ACAT2: variants seen among roughly 807,000 people sequenced by gnomAD.
ACAT2 encodes the protein acetyl-CoA acetyltransferase 2.
ACAT2 carries 26 observed loss-of-function variants against 37.1 expected under a neutral mutation model. That is an observed-to-expected ratio of 0.70 (90% CI 0.51 to 0.97). The LOEUF (loss-of-function observed/expected upper bound fraction) is 0.97. Ranked by LOEUF, ACAT2 falls within the 50% of genes least tolerant of loss-of-function variation. The pLI is 0.00. For missense variants in ACAT2, 468 were observed against 489.0 expected (o/e 0.96, Z 0.40); for synonymous variants, 156 against 163.6 (o/e 0.95, Z 0.35).
Position 159,778,424 on chromosome 6 carries a change from T to TAAA in ACAT2, c.1023+167_1023+169dup, listed in dbSNP as rs1162214335. 4.5e-3 allele frequency: 414 copies of TAAA among 91,314 alleles called. 5 individuals carry two copies. Among genetic ancestry groups the TAAA allele is most frequent in the African/African-American group, 0.031 (381 of 12,258 alleles). The allele number at this position is 91,314 out of a possible 1,614,324, so 5.7% of individuals were successfully genotyped here. On this transcript the variant is annotated intron_variant, in intron 8 of 8. Coordinates refer to ENST00000367048, the MANE Select transcript of ACAT2 (RefSeq NM_005891.3). ...ACTGAGTTCATTACTTCCCAAGGTT[T>TAAA]AAAAAAAAAAAAAAAAAAAAAAAAA...
At chr6:159,773,044 G>A (rs1780362836) in intron 4 of ACAT2, among the ~76,000 whole-genome samples, 1 of 151,904 alleles carries the variant, frequency 6.6e-6, no homozygotes, top group South Asian at 2.1e-4. Flanking sequence ...TGTAGAAATG[G>A]GGTTTCACCA....
At chr6:159,766,400 C>CA (rs1002138460) in intron 2 of ACAT2, among the ~76,000 whole-genome samples, 1 of 151,616 alleles carries the variant, frequency 6.6e-6, no homozygotes, top group Non-Finnish European at 1.5e-5. Flanking sequence ...TAAGCACCCC[C>CA]CCGCACTTTT....
At chr6:159,768,382 G>A in intron 3 of ACAT2, 129 bp from the exon 4 acceptor site, 1 of 705,166 alleles carries the variant, frequency 1.4e-6, no homozygotes, top group Middle Eastern at 2.6e-4. Context: ...TGAGGACCTA[G>A]AACTGGGGAG....
At chr6:159,762,655 CCT>C in intron 1 of ACAT2, 2 of 1,456,864 alleles carry the variant, frequency 1.4e-6, no homozygotes. Context: ...CGCATCCAGT[CCT>C]TCGGATTTGG....
chr6:159,762,840 T>C, intron 1 of ACAT2, 79 bp from the exon 2 acceptor site: 1 of 1,597,488 alleles, frequency 6.3e-7, no homozygotes, highest in Admixed American at 1.7e-5. Flanking sequence ...AACAGGGTCA[T>C]GAGGCTCCCC....
intron 1 of ACAT2, 105 bp downstream of exon 1, chr6:159,762,247 G>C: frequency 7.1e-7 from 1 of 1,406,246 alleles, no homozygotes; most frequent in Non-Finnish European, 9.5e-7. Context: ...GGAGGAAGCC[G>C]GTCAGGCCAA....
At chr6:159,774,636 G>T (rs956423071) in intron 4 of ACAT2, among the ~76,000 whole-genome samples, 1 of 152,046 alleles carries the variant, frequency 6.6e-6, no homozygotes, top group Non-Finnish European at 1.5e-5. Context: ...TGGAGACAGG[G>T]TCTCGCTGTG....
At chr6:159,765,467 C>T (rs188065968) in intron 2 of ACAT2, among the ~76,000 whole-genome samples, 33 of 148,022 alleles carry the variant, frequency 2.2e-4, no homozygotes, top group African/African-American at 7.3e-4. Context: ...CTCACTCTGT[C>T]GCCCAGGCTG....
In ACAT2 at chr6:159,778,052, AC is replaced by A. The variant is rs200783283; in HGVS notation, c.913-117del. 4.8e-3 allele frequency: 3,250 copies of A among 673,986 alleles called. 78 individuals carry two copies. In the African/African-American group the frequency reaches 0.051, roughly 11 times the overall value. 41.8% of individuals were successfully genotyped at this position (673,986 alleles called of 1,614,324 possible). A position where few individuals can be genotyped will look rare whatever the true frequency, so the allele number is the denominator to read the frequency against. ...AGAATGTCACTGTATTAACCTAAGA[AC>A]AAACCAAAGTAGCAGTTACCAGTAT... On this transcript the variant is annotated intron_variant, in intron 7 of 8. Coordinates refer to ENST00000367048, the MANE Select transcript of ACAT2 (RefSeq NM_005891.3).
At chr6:159,772,344 C>T (rs1780350503) in intron 4 of ACAT2, among the ~76,000 whole-genome samples, 1 of 152,128 alleles carries the variant, frequency 6.6e-6, no homozygotes, top group Non-Finnish European at 1.5e-5. Flanking sequence ...TTAACATTAC[C>T]TATAAAGCTG....
chr6:159,763,126 T>TCTCACACA (rs1246722045), intron 2 of ACAT2, 73 bp downstream of exon 2: 18 of 1,375,220 alleles, frequency 1.3e-5, no homozygotes, highest in South Asian at 2.7e-5. Context: ...ACACACACAC[T>TCTCACACA]CTCACACACT....
chr6:159,773,082 G>C (rs1172370022), intron 4 of ACAT2, among the ~76,000 whole-genome samples: 1 of 151,944 alleles, frequency 6.6e-6, no homozygotes, highest in African/African-American at 2.4e-5. Context: ...TCAAACTCCT[G>C]AGCTCAAGGG....
intron 6 of ACAT2, 106 bp from the exon 7 acceptor site, chr6:159,777,196 C>T: frequency 7.8e-7 from 1 of 1,286,650 alleles, no homozygotes; most frequent in Non-Finnish European, 1.1e-6. Context: ...ATGCCTTAGC[C>T]AACAGGTAAA....
At chr6:159,768,729 G>A (rs1780293384) in intron 4 of ACAT2, 101 bp downstream of exon 4, 4 of 671,758 alleles carry the variant, frequency 6.0e-6, no homozygotes, top group Non-Finnish European at 1.0e-5. Context: ...GCCAGAGACT[G>A]TCTTAAGGAT....
chr6:159,772,055 C>A (rs890175388), intron 4 of ACAT2, among the ~76,000 whole-genome samples: 1 of 152,222 alleles, frequency 6.6e-6, no homozygotes, highest in South Asian at 2.1e-4. Context: ...GAAACCCCAT[C>A]TCTACTAAAA....
chr6:159,762,335 C>G, intron 1 of ACAT2, 193 bp downstream of exon 1: 1 of 1,231,754 alleles, frequency 8.1e-7, no homozygotes, highest in Non-Finnish European at 1.1e-6. Context: ...CCACCCTCTC[C>G]TCTCCCGATG....
chr6:159,763,445 G>A (rs1013427529), intron 2 of ACAT2, among the ~76,000 whole-genome samples: 1 of 152,088 alleles, frequency 6.6e-6, no homozygotes, highest in African/African-American at 2.4e-5. Flanking sequence ...TGGAGAGGCT[G>A]AGGTGGGAGG....
At chr6:159,774,602 A>C (rs1403882925) in intron 4 of ACAT2, among the ~76,000 whole-genome samples, 1 of 151,950 alleles carries the variant, frequency 6.6e-6, no homozygotes, top group Non-Finnish European at 1.5e-5. Flanking sequence ...CACACACACC[A>C]TGCCCGGCTA....
Position 159,776,240 on chromosome 6 carries a change from G to A in ACAT2, c.725G>A (p.Gly242Glu). The A allele has an allele frequency of 6.2e-7, 1 of 1,614,114 alleles. No individual in the cohort carries two copies. The highest frequency in any genetic ancestry group is 8.5e-7 in the Non-Finnish European group (1 of 1,179,998). The change falls in exon 6 of 9, where the codon GGA becomes GAA. Residue 242 changes from glycine (G) to glutamate (E), a missense_variant. Coordinates refer to ENST00000367048, the MANE Select transcript of ACAT2 (RefSeq NM_005891.3). ...SKLKPYFLTD[G>E]TGTVTPANAS... ...CTAAAGCCTTACTTTCTTACTGATG[G>A]AACGGGAACAGTCACCCCAGCCAAT...
Sources: allele counts gnomAD v4.1 joint callset (sites outside exome capture counted in the v4.1 genomes callset), GRCh38; gene constraint gnomAD v4.1.1; transcripts MANE v1.5; gene names NCBI Gene and HGNC (gene_info 2026-07-23, HGNC 2026-07-21).